The following CFTR variants were observed in gnomAD, a reference collection of about 807,000 sequenced individuals.
The protein encoded by CFTR is CF transmembrane conductance regulator.
CFTR carries 181 observed loss-of-function variants against 171.6 expected under a neutral mutation model. That is an observed-to-expected ratio of 1.05 (90% confidence interval 0.93 to 1.19). The LOEUF is 1.19. Ranked by LOEUF, CFTR falls within the 50% of genes most tolerant of loss-of-function variation. The pLI, the probability that CFTR is intolerant of heterozygous loss-of-function variation, is 0.00. For missense variants in CFTR, 1,968 were observed against 1,734.7 expected, an observed-to-expected ratio of 1.13 and a Z score of -2.39; for synonymous variants, 583 against 608.0, an observed-to-expected ratio of 0.96 and a Z score of 0.60.
intron 1 of CFTR, among the ~76,000 whole-genome samples, chr7:117,487,372 T>C (rs993460722): frequency 3.3e-5 from 5 of 152,136 alleles, no homozygotes; most frequent in African/African-American, 1.2e-4. Flanking sequence ...GAAATTATAC[T>C]TAGAACTCTC....
At chr7:117,566,495 A>G (rs1224292771) in intron 11 of CFTR, among the ~76,000 whole-genome samples, 1 of 152,056 alleles carries the variant, frequency 6.6e-6, no homozygotes, top group Non-Finnish European at 1.5e-5. Flanking sequence ...ACAAGAATAA[A>G]CATCACTAAA....
At position 117,611,843 on chromosome 7, in the gene CFTR, A is replaced by C. The variant is rs757961771; in HGVS notation, c.3367+35A>C. The C allele has an allele frequency of 6.7e-6, 10 of 1,488,980 alleles. No homozygotes were observed. In the East Asian group the frequency reaches 1.1e-4, roughly 17 times the overall value. 92.2% of individuals were successfully genotyped at this position (1,488,980 alleles called of 1,614,324 possible). A position where few individuals can be genotyped will look rare whatever the true frequency, so the allele number is the denominator to read the frequency against. On this transcript the variant is annotated intron_variant, in intron 20 of 26. Coordinates refer to ENST00000003084, the MANE Select transcript of CFTR (RefSeq NM_000492.4). Reference sequence around the variant, plus strand: ...ACTCATTAACTTTAGCTAAGCATTTAAGTAAAAAATTTTCAATGAATAAAA... The same window carrying C: ...ACTCATTAACTTTAGCTAAGCATTTCAGTAAAAAATTTTCAATGAATAAAA...
chr7:117,614,496 G>A, intron 20 of CFTR, 117 bp from the exon 21 acceptor site: 1 of 744,398 alleles, frequency 1.3e-6, no homozygotes, highest in Non-Finnish European at 2.5e-6. Flanking sequence ...GTTAAAATTA[G>A]CATAAAATTG....
rs755472768 is a variant in CFTR at position 117,614,636 on chromosome 7, A to G, written c.3391A>G (p.Ile1131Val). ...AGGAGAAGGAGAAGGAAGAGTTGGT[A>G]TTATCCTGACTTTAGCCATGAATAT... ...TTGEGEGRVG[I>V]ILTLAMNIMS... The change falls in exon 21 of 27, where the codon ATT (isoleucine) becomes GTT (valine). Residue 1131 changes from isoleucine to valine, a missense_variant. By Grantham distance (29) the Ile-to-Val change is conservative (BLOSUM62 3). Coordinates refer to ENST00000003084, the MANE Select transcript of CFTR (RefSeq NM_000492.4). 26 of 1,611,424 alleles carry G rather than the reference A, an allele frequency of 1.6e-5. No homozygotes were observed. The highest frequency in any genetic ancestry group is 2.1e-5 in the Non-Finnish European group (25 of 1,177,910).
intron 11 of CFTR, among the ~76,000 whole-genome samples, chr7:117,561,043 A>G (rs1263788563): frequency 1.3e-5 from 2 of 152,146 alleles, no homozygotes; most frequent in African/African-American, 4.8e-5. Flanking sequence ...TCAACCTTTA[A>G]AAGTATATTT....
chr7:117,519,075 G>A (rs1373338710), intron 3 of CFTR, among the ~76,000 whole-genome samples: 1 of 152,014 alleles, frequency 6.6e-6, no homozygotes, highest in Non-Finnish European at 1.5e-5. Flanking sequence ...AATAAAATCA[G>A]TAAGCACTAA....
At chr7:117,579,711 G>C (rs936227097) in intron 11 of CFTR, among the ~76,000 whole-genome samples, 1 of 147,594 alleles carries the variant, frequency 6.8e-6, no homozygotes, top group Non-Finnish European at 1.5e-5. Flanking sequence ...ACCTAGCACA[G>C]TGTTAATACA....
chr7:117,507,139 A>G (rs1798431893), intron 2 of CFTR, among the ~76,000 whole-genome samples: 1 of 152,166 alleles, frequency 6.6e-6, no homozygotes, highest in Non-Finnish European at 1.5e-5. Flanking sequence ...TTCCCTTCTG[A>G]TCTGGGCCTG....
intron 1 of CFTR, among the ~76,000 whole-genome samples, chr7:117,502,961 C>T (rs1798355836): frequency 6.6e-6 from 1 of 152,104 alleles, no homozygotes; most frequent in African/African-American, 2.4e-5. Context: ...GTAGAGATAT[C>T]GAGAACCCAG....
intron 23 of CFTR, among the ~76,000 whole-genome samples, chr7:117,650,045 G>A (rs1793065565): frequency 6.6e-6 from 1 of 152,002 alleles, no homozygotes; most frequent in African/African-American, 2.4e-5. Flanking sequence ...AATGGAGAAG[G>A]GCACTAAATG....
At chr7:117,483,119 C>T (rs144315048) in intron 1 of CFTR, among the ~76,000 whole-genome samples, 330 of 152,248 alleles carry the variant, frequency 2.2e-3, no homozygotes, top group Non-Finnish European at 3.9e-3. Context: ...TTATTAAACA[C>T]AAAGTAATGA....
intron 24 of CFTR, among the ~76,000 whole-genome samples, chr7:117,664,371 G>A (rs548026705): frequency 3.3e-5 from 5 of 152,198 alleles, no homozygotes; most frequent in African/African-American, 9.6e-5. Flanking sequence ...CTTTATAAAC[G>A]CTGAGCCTCA....
At chr7:117,523,450 C>G (rs1798716568) in intron 3 of CFTR, among the ~76,000 whole-genome samples, 1 of 151,520 alleles carries the variant, frequency 6.6e-6, no homozygotes, top group Admixed American at 6.6e-5. Context: ...GATCTCCACT[C>G]ACTGCAAGCT....
intron 11 of CFTR, among the ~76,000 whole-genome samples, chr7:117,562,518 C>T (rs955516597): frequency 6.6e-6 from 1 of 152,138 alleles, no homozygotes; most frequent in Non-Finnish European, 1.5e-5. Flanking sequence ...CACATTGGCT[C>T]CATGCTCAGG....
At chr7:117,634,099 TC>T (rs1346286674) in intron 22 of CFTR, among the ~76,000 whole-genome samples, 1 of 152,130 alleles carries the variant, frequency 6.6e-6, no homozygotes, top group East Asian at 1.9e-4. Flanking sequence ...TTTGTGGAAT[TC>T]ACCAGTGAAC....
chr7:117,563,881 T>C (rs1791556033), intron 11 of CFTR, among the ~76,000 whole-genome samples: 1 of 152,190 alleles, frequency 6.6e-6, no homozygotes, highest in African/African-American at 2.4e-5. Context: ...TAGGCTTCCT[T>C]AGTCATCTCA....
chr7:117,544,653 A>G (rs963903490), intron 9 of CFTR, among the ~76,000 whole-genome samples: 5 of 152,182 alleles, frequency 3.3e-5, no homozygotes, highest in Non-Finnish European at 5.9e-5. Context: ...AAGCTTCAAC[A>G]TCTTTTGTCA....
At chr7:117,559,749 A>G (rs957989840) in intron 11 of CFTR, 94 bp downstream of exon 11, 60 of 833,512 alleles carry the variant, frequency 7.2e-5, no homozygotes, top group Non-Finnish European at 1.1e-4. Context: ...CGGTTAGTCT[A>G]CATATATTTA....
intron 11 of CFTR, among the ~76,000 whole-genome samples, chr7:117,562,484 G>A (rs1791525490): frequency 6.6e-6 from 1 of 152,176 alleles, no homozygotes; most frequent in Non-Finnish European, 1.5e-5. Context: ...AACAGCATAA[G>A]ATCCTGAAGG....
Sources: gnomAD v4.1 joint callset for allele counts (sites outside exome capture counted in the v4.1 genomes callset) on GRCh38, gnomAD v4.1.1 for gene constraint, MANE v1.5 for transcripts, NCBI Gene and HGNC (gene_info 2026-07-23, HGNC 2026-07-21) for gene names.